Variants in WWC1 observed in about 807,000 individuals in gnomAD.
WWC1 encodes WW and C2 domain containing 1.
Under a neutral mutation model 138.4 loss-of-function variants are expected in WWC1, and 55 were observed. The observed-to-expected ratio is 0.40, with a 90% CI of 0.32 to 0.50. WWC1 has a LOEUF of 0.50. Among genes scored for constraint, WWC1 ranks in the 20% least tolerant of loss-of-function variants. The pLI is 0.72. For missense variants in WWC1, 1,226 were observed against 1,420.4 expected (o/e 0.86, Z 2.20); for synonymous variants, 524 against 564.9 (o/e 0.93, Z 1.03).
rs749187913 is a variant in WWC1 at position 168,431,352 on chromosome 5, T to A, written c.2188T>A (p.Phe730Ile). The A allele has an allele frequency of 1.2e-6, 2 of 1,614,152 alleles. No individual in the cohort carries two copies. The highest frequency in any genetic ancestry group is 1.7e-6 in the Non-Finnish European group (2 of 1,180,016). ...ASDTLVFNEV[F>I]WVSMSYPALH... ...AGACACTCTAGTGTTCAATGAGGTG[T>A]TCTGGGTATCCATGTCCTATCCAGC... Residue 730 changes from phenylalanine to isoleucine, a missense_variant, in exon 15 of 23, where the codon TTC (phenylalanine) becomes ATC (isoleucine). Around this residue, in one of 3 missense-constraint regions of WWC1, gnomAD observed 1,016 missense variants for 1,153.9 expected, o/e 0.88. Transcript: ENST00000265293.
chr5:168,403,871 T>TACACACACACACACACACACACAC, intron 5 of WWC1, among the ~76,000 whole-genome samples: 1 of 134,434 alleles, frequency 7.4e-6, no homozygotes, highest in African/African-American at 2.8e-5. Context: ...AACACATGCA[T>TACACACACACACACACACACACAC]ACACACACAC....
intron 1 of WWC1, among the ~76,000 whole-genome samples, chr5:168,343,796 GAC>G (rs1355817388): frequency 7.0e-6 from 1 of 142,654 alleles, no homozygotes; most frequent in Non-Finnish European, 1.5e-5. Context: ...CAGCCTGGGC[GAC>G]ACAGTGAGAC....
intron 21 of WWC1, among the ~76,000 whole-genome samples, chr5:168,466,320 C>A (rs1159036607): frequency 6.6e-6 from 1 of 151,948 alleles, no homozygotes; most frequent in African/African-American, 2.4e-5. Flanking sequence ...AATATAGGAC[C>A]AATATGAAAA....
At chr5:168,402,883 C>A (rs991582440) in intron 5 of WWC1, among the ~76,000 whole-genome samples, 5 of 152,110 alleles carry the variant, frequency 3.3e-5, no homozygotes, top group African/African-American at 1.2e-4. Context: ...CTGTGCCTAC[C>A]CTGCGGCAGA....
chr5:168,424,167 A>T, intron 11 of WWC1, 99 bp downstream of exon 11: 1 of 1,398,864 alleles, frequency 7.1e-7, no homozygotes, highest in African/African-American at 1.4e-5. Context: ...ATATTTACTG[A>T]CTGCTTCTGT....
intron 17 of WWC1, among the ~76,000 whole-genome samples, chr5:168,451,903 C>CTTTTT (rs3085192): frequency 0.098 from 10,538 of 107,908 alleles, 861 homozygotes; most frequent in Non-Finnish European, 0.14. Context: ...TTGTTGGTGT[C>CTTTTT]TTTTTTTTTT....
At chr5:168,421,287 C>T (rs1200914211) in intron 9 of WWC1, among the ~76,000 whole-genome samples, 2 of 152,186 alleles carry the variant, frequency 1.3e-5, no homozygotes, top group Non-Finnish European at 2.9e-5. Context: ...CACCCGGCCA[C>T]AGGGAAGGCT....
At chr5:168,305,227 C>T (rs1770448121) in intron 1 of WWC1, among the ~76,000 whole-genome samples, 1 of 151,604 alleles carries the variant, frequency 6.6e-6, no homozygotes, top group South Asian at 2.1e-4. Context: ...CTTGGCCTCC[C>T]AAAGTGTTGG....
At chr5:168,462,024 C>T (rs1756859458) in intron 20 of WWC1, among the ~76,000 whole-genome samples, 2 of 151,642 alleles carry the variant, frequency 1.3e-5, no homozygotes, top group Admixed American at 1.3e-4. Flanking sequence ...CCGTTGCACT[C>T]CAGCTGGGCA....
At chr5:168,325,023 T>C (rs919330814) in intron 1 of WWC1, among the ~76,000 whole-genome samples, 29 of 152,208 alleles carry the variant, frequency 1.9e-4, no homozygotes, top group African/African-American at 7.0e-4. Context: ...TTCCAGCTCT[T>C]TGCAGGGGAG....
At chr5:168,324,719 G>C (rs1304043403) in intron 1 of WWC1, among the ~76,000 whole-genome samples, 1 of 151,372 alleles carries the variant, frequency 6.6e-6, no homozygotes, top group Non-Finnish European at 1.5e-5. Context: ...AAAAGTAAAT[G>C]GACTAAACAC....
intron 1 of WWC1, among the ~76,000 whole-genome samples, chr5:168,319,244 A>AC (rs1581908507): frequency 1.3e-5 from 2 of 152,036 alleles, no homozygotes; most frequent in Non-Finnish European, 2.9e-5. Context: ...ACATGGTGAA[A>AC]CCCCATCTCT....
intron 16 of WWC1, among the ~76,000 whole-genome samples, chr5:168,443,292 C>T (rs1256535475): frequency 3.3e-5 from 5 of 152,142 alleles, no homozygotes; most frequent in African/African-American, 9.7e-5. Flanking sequence ...CTTTCTCCTC[C>T]TCCTCTCCTT....
intron 1 of WWC1, among the ~76,000 whole-genome samples, chr5:168,371,200 A>G (rs899227100): frequency 4.6e-5 from 7 of 152,218 alleles, no homozygotes; most frequent in Non-Finnish European, 8.8e-5. Context: ...TGGGACCAGA[A>G]CACAGATTCC....
chr5:168,371,382 G>T (rs1418249481), intron 1 of WWC1, 42 bp from the exon 2 acceptor site: 2 of 1,498,674 alleles, frequency 1.3e-6, no homozygotes, highest in East Asian at 2.3e-5. Context: ...GGCATTTGGG[G>T]ACTGTAGGCT....
At chr5:168,297,626 CAAAAAAA>C (rs70976474) in intron 1 of WWC1, among the ~76,000 whole-genome samples, 13 of 54,766 alleles carry the variant, frequency 2.4e-4, no homozygotes, top group African/African-American at 7.4e-4. Flanking sequence ...AACTCCATCT[CAAAAAAA>C]AAAAAAAAAA....
intron 15 of WWC1, among the ~76,000 whole-genome samples, chr5:168,436,022 T>C (rs1197007350): frequency 6.6e-6 from 1 of 152,132 alleles, no homozygotes; most frequent in South Asian, 2.1e-4. Flanking sequence ...TTTGTATTTT[T>C]ATTAGAGATG....
intron 1 of WWC1, among the ~76,000 whole-genome samples, chr5:168,303,794 G>A (rs923149223): frequency 2.6e-5 from 4 of 152,142 alleles, no homozygotes; most frequent in Non-Finnish European, 5.9e-5. Flanking sequence ...CTGCTCGGGA[G>A]AGGAAGGGTC....
chr5:168,430,311 G>A (rs916218789), intron 14 of WWC1, 88 bp downstream of exon 14: 10 of 1,074,600 alleles, frequency 9.3e-6, no homozygotes, highest in Non-Finnish European at 1.4e-5. Context: ...TCCTGATCCA[G>A]TTATGGGCCT....
Sources: allele counts gnomAD v4.1 joint callset (sites outside exome capture counted in the v4.1 genomes callset), GRCh38; gene constraint gnomAD v4.1.1; regional missense constraint gnomAD v4.1.1; transcripts MANE v1.5; gene names NCBI Gene and HGNC (gene_info 2026-07-23, HGNC 2026-07-21).